Variants in KDSR observed in about 807,000 individuals in gnomAD.
The protein encoded by KDSR is 3-dehydrosphinganine reductase.
Under a neutral mutation model 41.3 loss-of-function variants are expected in KDSR, and 23 were observed. The observed-to-expected ratio is 0.56, with a 90% CI of 0.40 to 0.79. The LOEUF is 0.79. KDSR is among the 30% of genes least tolerant of loss of function. KDSR has a pLI of 0.00. For missense variants in KDSR, 351 were observed against 416.8 expected (o/e 0.84, Z 1.37); for synonymous variants, 138 against 151.7 (o/e 0.91, Z 0.66).
intron 8 of KDSR, among the ~76,000 whole-genome samples, chr18:63,337,094 T>TTATATATATATATATGTGAATA (rs1914189122): frequency 2.6e-5 from 1 of 38,702 alleles, no homozygotes; most frequent in African/African-American, 6.6e-5. Context: ...ATATGTGACT[T>TTATATATATATATATGTGAATA]TATATATATA....
intron 5 of KDSR, among the ~76,000 whole-genome samples, chr18:63,354,498 T>C (rs1914744554): frequency 6.6e-6 from 1 of 151,892 alleles, no homozygotes; most frequent in Admixed American, 6.6e-5. Context: ...CGTAAACCCA[T>C]CTCTACTAAA....
intron 2 of KDSR, among the ~76,000 whole-genome samples, chr18:63,361,025 A>AT (rs1568283928): frequency 1.4e-5 from 1 of 72,050 alleles, no homozygotes; most frequent in African/African-American, 5.2e-5. Context: ...TAAAATATAT[A>AT]ATATATATAA....
intron 8 of KDSR, chr18:63,335,604 T>G: frequency 2.5e-6 from 1 of 406,372 alleles, no homozygotes; most frequent in Non-Finnish European, 4.5e-6. Flanking sequence ...AAGACATTCA[T>G]TGTCTTTTCC....
chr18:63,328,433 A>AC lies in KDSR; in HGVS notation c.*3348dup, dbSNP rs1300074197. 1.3e-5 allele frequency: 2 copies of AC among 155,674 alleles called. No homozygotes were observed. The highest frequency in any genetic ancestry group is 1.3e-4 in the Admixed American group (2 of 15,292). The allele number at this position is 155,674 out of a possible 1,614,324, so 9.6% of individuals were successfully genotyped here. A position where few individuals can be genotyped will look rare whatever the true frequency, so the allele number is the denominator to read the frequency against. ...AGTGGCGCAATCTTGGCTCACTGCA[A>AC]CCTCTGCCTCCTGGGTTCAAGCGAT... On this transcript the variant is annotated 3_prime_UTR_variant, in exon 10 of 10. Coordinates refer to ENST00000645214, the MANE Select transcript of KDSR (RefSeq NM_002035.4).
At chr18:63,339,740 G>C (rs1056868899) in intron 7 of KDSR, among the ~76,000 whole-genome samples, 1 of 151,934 alleles carries the variant, frequency 6.6e-6, no homozygotes, top group East Asian at 1.9e-4. Context: ...ATTTATCTTT[G>C]GCTTTTCTTT....
rs754418780 is a variant in KDSR at position 63,341,522 on chromosome 18, GAAAGTTC to G, written c.694-2646_694-2640del. Among the ~76,000 whole-genome samples the G allele has an allele frequency of 2.6e-5, 4 of 151,494 alleles. No homozygotes were observed. In the South Asian group the frequency reaches 8.3e-4, roughly 32 times the overall value. ...AGAAGGAAATTAGAGGATCAGTCCA[GAAAGTTC>G]AAAAATCTGAATAATAAATGCTCCA... On this transcript the variant is annotated intron_variant, in intron 7 of 9. Transcript: ENST00000645214.
intron 8 of KDSR, among the ~76,000 whole-genome samples, chr18:63,337,094 T>TTATATATATATATATGTGAATATATA (rs1914189328): frequency 2.6e-5 from 1 of 38,700 alleles, no homozygotes; most frequent in Non-Finnish European, 6.6e-5. Context: ...ATATGTGACT[T>TTATATATATATATATGTGAATATATA]TATATATATA....
chr18:63,356,228 T>C (rs1243774930), intron 3 of KDSR, among the ~76,000 whole-genome samples: 2 of 152,184 alleles, frequency 1.3e-5, no homozygotes, highest in Admixed American at 6.5e-5. Context: ...TGAAACCCTG[T>C]CTCTACTAAA....
rs1450820567 is a variant in KDSR, at chr18:63,330,122, T to G, written c.*1660A>C. On this transcript the variant is annotated 3_prime_UTR_variant, in exon 10 of 10. Coordinates refer to ENST00000645214, the MANE Select transcript of KDSR (RefSeq NM_002035.4). ...GGGTTAAAGCCATAAAACATCTTATTTTTTAAAAAGTTAAGTCATTTAAAG... is the reference window on the plus strand; with the variant it reads ...GGGTTAAAGCCATAAAACATCTTATGTTTTAAAAAGTTAAGTCATTTAAAG... 1 of 190,444 alleles carries G rather than the reference T, an allele frequency of 5.3e-6. No homozygotes were observed. Among genetic ancestry groups the G allele is most frequent in the Non-Finnish European group, 1.1e-5 (1 of 90,886 alleles). The allele number at this position is 190,444 out of a possible 1,614,324, so 11.8% of individuals were successfully genotyped here. A position where few individuals can be genotyped will look rare whatever the true frequency, so the allele number is the denominator to read the frequency against.
intron 2 of KDSR, 40 bp downstream of exon 2, chr18:63,362,739 C>G (rs765937514): frequency 1.5e-6 from 2 of 1,374,838 alleles, no homozygotes; most frequent in Non-Finnish European, 2.1e-6. Context: ...AATTTCAAGT[C>G]GAAGAAGCAA....
intron 7 of KDSR, among the ~76,000 whole-genome samples, chr18:63,339,994 T>C (rs1914297939): frequency 6.6e-6 from 1 of 152,224 alleles, no homozygotes; most frequent in Non-Finnish European, 1.5e-5. Flanking sequence ...AAAGGCTGTT[T>C]TGAAGGAGCC....
intron 5 of KDSR, among the ~76,000 whole-genome samples, chr18:63,354,488 C>T (rs1381090625): frequency 2.6e-5 from 4 of 151,940 alleles, no homozygotes; most frequent in African/African-American, 9.7e-5. Flanking sequence ...GCCAACGTGG[C>T]GTAAACCCAT....
intron 1 of KDSR, chr18:63,366,352 T>C (rs1915135272): frequency 6.6e-6 from 1 of 152,364 alleles, no homozygotes; most frequent in Admixed American, 6.5e-5. Flanking sequence ...AATCAGCAGA[T>C]GCCACGCTGA....
In KDSR at chr18:63,363,325, T is replaced by C. The variant is rs575694144; in HGVS notation, c.109-457A>G. ...CATGCTGGTGCACTGCACCCACTAA[T>C]GTGTCATCTAGCATTAGGTATATCT... On this transcript the variant is annotated intron_variant, in intron 1 of 9. Transcript: ENST00000645214. Among the ~76,000 whole-genome samples the C allele has an allele frequency of 1.8e-3, 262 of 141,882 alleles. 2 individuals are homozygous for C. Among genetic ancestry groups the C allele is most frequent in the Middle Eastern group, 0.01 (3 of 286 alleles). The allele number at this position is 141,882 out of a possible 152,430, so 93.1% of individuals were successfully genotyped here. A position where few individuals can be genotyped will look rare whatever the true frequency, so the allele number is the denominator to read the frequency against.
intron 8 of KDSR, among the ~76,000 whole-genome samples, chr18:63,336,816 T>A (rs1245287802): frequency 6.6e-6 from 1 of 152,132 alleles, no homozygotes; most frequent in Non-Finnish European, 1.5e-5. Flanking sequence ...TCCATAATTA[T>A]CTGAAAAGCC....
In KDSR at chr18:63,355,510, A is replaced by T. The variant is rs902386466; in HGVS notation, c.309T>A (p.Asn103Lys). ...CCCAACCTCTTACTTGTTTTATGACATTCTCTACTTGGTTATAGTCTTGAG... is the reference window on the plus strand; with the variant it reads ...CCCAACCTCTTACTTGTTTTATGACTTTCTCTACTTGGTTATAGTCTTGAG... Reference protein sequence around the residue: ...DVSQDYNQVENVIKQAQEKLG... With the variant: ...DVSQDYNQVEKVIKQAQEKLG... The change falls in exon 4 of 10, where the codon AAT becomes AAA. Residue 103 changes from asparagine to lysine, a missense_variant. Transcript: ENST00000645214. The T allele has an allele frequency of 6.2e-7, 1 of 1,612,108 alleles. No individual in the cohort carries two copies. The highest frequency in any genetic ancestry group is 1.3e-5 in the African/African-American group (1 of 74,816).
chr18:63,344,735 C>T (rs560039596), intron 6 of KDSR: 1 of 409,008 alleles, frequency 2.4e-6, no homozygotes, highest in South Asian at 4.1e-5. Context: ...TATGGCAAGT[C>T]ACCTCCTTTG....
chr18:63,338,837 G>A lies in KDSR; in HGVS notation c.740C>T (p.Pro247Leu). 6.2e-7 allele frequency: 1 copy of A among 1,610,110 alleles called. No individual in the cohort carries two copies. The highest frequency in any genetic ancestry group is 8.5e-7 in the Non-Finnish European group (1 of 1,178,812). Residue 247 changes from proline (P) to leucine (L), a missense_variant, in exon 8 of 10, where the codon CCA becomes CTA. By Grantham distance (98) the Pro-to-Leu change is moderately conservative. Coordinates refer to ENST00000645214, the MANE Select transcript of KDSR (RefSeq NM_002035.4). ...AACAATTTGTTTGGCCACCTGTTCT[G>A]GTTTGCACACAGATGTGGTCTCTGA... ...LISETTSVCK[P>L]EQVAKQIVKD...
At chr18:63,350,317 CTATG>C (rs1914628987) in intron 6 of KDSR, among the ~76,000 whole-genome samples, 1 of 152,176 alleles carries the variant, frequency 6.6e-6, no homozygotes, top group African/African-American at 2.4e-5. Context: ...GTTCCATTAA[CTATG>C]TAAATAAAAA....
Sources: allele counts gnomAD v4.1 joint callset (sites outside exome capture counted in the v4.1 genomes callset), GRCh38; gene constraint gnomAD v4.1.1; transcripts MANE v1.5; gene names NCBI Gene and HGNC (gene_info 2026-07-23, HGNC 2026-07-21).